POU2AF2: variants seen among roughly 807,000 people sequenced by gnomAD.
POU2AF2 encodes the protein POU class 2 homeobox associating factor 2.
the POU2AF2 span, among the ~76,000 whole-genome samples, chr11:111,258,203 T>C: frequency 6.6e-6 from 1 of 152,182 alleles, no homozygotes; most frequent in Admixed American, 6.5e-5. Flanking sequence ...CAGAATCTAC[T>C]TAAAATGAAC....
the POU2AF2 span, chr11:111,286,071 C>T: frequency 6.3e-7 from 1 of 1,599,734 alleles, no homozygotes; most frequent in Admixed American, 1.8e-5. Context: ...GGCCAAATGA[C>T]TTCTGGGTTT....
chr11:111,272,802 T>G, the POU2AF2 span, among the ~76,000 whole-genome samples: 1 of 152,166 alleles, frequency 6.6e-6, no homozygotes, highest in Non-Finnish European at 1.5e-5. Flanking sequence ...AAATGAAACT[T>G]CTGCTCTAGA....
At chr11:111,274,864 G>A in the POU2AF2 span, among the ~76,000 whole-genome samples, 29 of 152,060 alleles carry the variant, frequency 1.9e-4, no homozygotes, top group Admixed American at 5.2e-4. Context: ...TAATTCCACC[G>A]ACTACCACCA....
chr11:111,275,732 A>G, the POU2AF2 span, among the ~76,000 whole-genome samples: 1 of 152,248 alleles, frequency 6.6e-6, no homozygotes, highest in Non-Finnish European at 1.5e-5. Flanking sequence ...AGAATTACTG[A>G]ACACAAAATA....
At chr11:111,260,081 C>T in the POU2AF2 span, among the ~76,000 whole-genome samples, 5 of 152,146 alleles carry the variant, frequency 3.3e-5, no homozygotes, top group Admixed American at 2.0e-4. Flanking sequence ...CTGTTGCAAA[C>T]GCAATCCAAT....
At chr11:111,276,750 GAAA>G in the POU2AF2 span, among the ~76,000 whole-genome samples, 11 of 132,840 alleles carry the variant, frequency 8.3e-5, no homozygotes, top group Admixed American at 2.2e-4. Flanking sequence ...AAAGTGCTAA[GAAA>G]AAAAAAAAAA....
At chr11:111,276,385 C>T in the POU2AF2 span, among the ~76,000 whole-genome samples, 4 of 142,546 alleles carry the variant, frequency 2.8e-5, no homozygotes, top group African/African-American at 1.1e-4. Context: ...ATCACAAGGT[C>T]AAGAGATTGA....
the POU2AF2 span, among the ~76,000 whole-genome samples, chr11:111,264,542 A>C: frequency 1.5e-5 from 1 of 68,862 alleles, no homozygotes. Flanking sequence ...GAAAGAAAGA[A>C]AGAAAGAAAG....
the POU2AF2 span, chr11:111,256,065 C>G: frequency 7.5e-6 from 3 of 398,914 alleles, no homozygotes; most frequent in South Asian, 2.5e-4. Context: ...AAAAACGATC[C>G]GGGCAGACAA....
chr11:111,256,618 G>A, the POU2AF2 span, among the ~76,000 whole-genome samples: 1 of 152,246 alleles, frequency 6.6e-6, no homozygotes, highest in Non-Finnish European at 1.5e-5. Flanking sequence ...AATATGAAAT[G>A]AGTTAGGCAA....
chr11:111,252,714 G>T, the POU2AF2 span, among the ~76,000 whole-genome samples: 9 of 151,946 alleles, frequency 5.9e-5, no homozygotes, highest in East Asian at 1.8e-3. Flanking sequence ...TAAGCCATTA[G>T]TCTTCCCTCT....
At chr11:111,246,011 G>A in the POU2AF2 span, 370 of 390,310 alleles carry the variant, frequency 9.5e-4, 1 homozygote, top group Non-Finnish European at 1.3e-3. Context: ...CACAGATCAA[G>A]GACTACCTAT....
chr11:111,259,667 G>A, the POU2AF2 span, among the ~76,000 whole-genome samples: 165 of 152,230 alleles, frequency 1.1e-3, no homozygotes, highest in Admixed American at 2.9e-3. Flanking sequence ...TAGAATAATC[G>A]CTGATACAAG....
chr11:111,259,922 C>T, the POU2AF2 span, among the ~76,000 whole-genome samples: 3 of 152,150 alleles, frequency 2.0e-5, no homozygotes, highest in African/African-American at 2.4e-5. Flanking sequence ...TCCCAAAATG[C>T]GGTTATTTGG....
the POU2AF2 span, among the ~76,000 whole-genome samples, chr11:111,246,512 G>C: frequency 6.6e-6 from 1 of 152,158 alleles, no homozygotes; most frequent in Admixed American, 6.5e-5. Flanking sequence ...GTTAACAAAT[G>C]ATGACAGAGG....
the POU2AF2 span, among the ~76,000 whole-genome samples, chr11:111,279,134 G>A: frequency 7.2e-5 from 11 of 152,036 alleles, no homozygotes; most frequent in African/African-American, 1.9e-4. Context: ...CATGATTTGC[G>A]TATTTTAAGA....
At chr11:111,261,260 TAC>T in the POU2AF2 span, among the ~76,000 whole-genome samples, 8,219 of 140,852 alleles carry the variant, frequency 0.058, 407 homozygotes, top group African/African-American at 0.14. Context: ...TAGTACCAAA[TAC>T]ACACACACAC....
At chr11:111,252,881 C>G in the POU2AF2 span, among the ~76,000 whole-genome samples, 1 of 152,120 alleles carries the variant, frequency 6.6e-6, no homozygotes, top group Non-Finnish European at 1.5e-5. Flanking sequence ...AATAGTCTCC[C>G]CTTCCTGTGT....
At chr11:111,282,936 G>A in the POU2AF2 span, among the ~76,000 whole-genome samples, 11 of 152,072 alleles carry the variant, frequency 7.2e-5, no homozygotes, top group Admixed American at 3.9e-4. Context: ...TGAGCTACGG[G>A]GTCAGAAAGT....
Sources: allele counts gnomAD v4.1 joint callset (sites outside exome capture counted in the v4.1 genomes callset), GRCh38; gene constraint gnomAD v4.1.1; transcripts MANE v1.5; gene names NCBI Gene and HGNC (gene_info 2026-07-23, HGNC 2026-07-21).